The following FAT3 variants were observed in gnomAD, a reference collection of about 807,000 sequenced individuals.
FAT3 encodes FAT atypical cadherin 3, also known as protocadherin Fat 3.
Under a neutral mutation model 310.2 loss-of-function variants are expected in FAT3, and 95 were observed. That is an observed-to-expected ratio of 0.31 (90% confidence interval 0.26 to 0.36). FAT3 has a LOEUF of 0.36. Ranked by LOEUF, FAT3 falls within the 10% of genes least tolerant of loss-of-function variation. The pLI, the probability that FAT3 is intolerant of heterozygous loss-of-function variation, is 1.00. For synonymous variants in FAT3, 2,314 were observed against 2,192.9 expected (o/e 1.06, Z -1.54); for missense variants, 5,408 against 5,715.6 (o/e 0.95, Z 1.74).
rs770938521 is a variant in FAT3, at chr11:92,800,331, A to G, written c.7318A>G (p.Thr2440Ala). The part of the protein sequence containing the change: ...EYSILSGNDR[T>A]SFLMDSKSGV... ...TAGCATTTTATCTGGGAATGACCGG[A>G]CGAGCTTTCTGATGGACAGCAAGAG... Residue 2440 changes from threonine (T) to alanine (A), a missense_variant, in exon 10 of 28, where the codon ACG becomes GCG. This residue lies in a region of FAT3 where 4,588 missense variants were observed against 4,809.8 expected (regional missense o/e 0.95). Coordinates refer to ENST00000525166, the MANE Select transcript of FAT3 (RefSeq NM_001367949.2). 6.2e-7 allele frequency: 1 copy of G among 1,613,974 alleles called. No individual in the cohort carries two copies. The highest frequency in any genetic ancestry group is 1.1e-5 in the South Asian group (1 of 91,084).
intron 1 of FAT3, among the ~76,000 whole-genome samples, chr11:92,272,213 G>T (rs570396769): frequency 1.3e-5 from 2 of 152,062 alleles, no homozygotes; most frequent in African/African-American, 4.8e-5. Context: ...TGAGGAGGGG[G>T]TTACCAGTGT....
chr11:92,824,919 A>G (rs1948065195), intron 13 of FAT3, among the ~76,000 whole-genome samples: 1 of 152,176 alleles, frequency 6.6e-6, no homozygotes, highest in Non-Finnish European at 1.5e-5. Context: ...TTCTATATAC[A>G]TCATATGACC....
At chr11:92,816,138 T>C (rs1386895961) in intron 13 of FAT3, among the ~76,000 whole-genome samples, 1 of 152,158 alleles carries the variant, frequency 6.6e-6, no homozygotes, top group Non-Finnish European at 1.5e-5. Flanking sequence ...TGAACTTGGA[T>C]GGAGATAGAC....
intron 3 of FAT3, among the ~76,000 whole-genome samples, chr11:92,540,640 A>T (rs1179560369): frequency 6.6e-6 from 1 of 152,118 alleles, no homozygotes; most frequent in Admixed American, 6.6e-5. Context: ...TTGTTCATAT[A>T]CCTTCAAAGT....
chr11:92,442,111 A>ATTTTTTTTTT (rs869097021), intron 2 of FAT3, among the ~76,000 whole-genome samples: 16 of 45,220 alleles, frequency 3.5e-4, no homozygotes, highest in African/African-American at 1.3e-3. Flanking sequence ...ATATATATAT[A>ATTTTTTTTTT]TTTTTTTTTT....
intron 2 of FAT3, among the ~76,000 whole-genome samples, chr11:92,369,742 G>C (rs1949134841): frequency 6.6e-6 from 1 of 152,142 alleles, no homozygotes; most frequent in African/African-American, 2.4e-5. Context: ...AGCTACTCGG[G>C]AGGCTGAGGC....
At chr11:92,771,272 G>T (rs1946448946) in intron 6 of FAT3, among the ~76,000 whole-genome samples, 1 of 152,124 alleles carries the variant, frequency 6.6e-6, no homozygotes, top group Non-Finnish European at 1.5e-5. Context: ...TAGTGAAAAT[G>T]GACTCCTTGC....
chr11:92,668,902 C>T lies in FAT3; in HGVS notation c.3608-28482C>T, dbSNP rs555141107. On this transcript the variant is annotated intron_variant, in intron 3 of 27. Transcript: ENST00000525166. Reference sequence around the variant, plus strand: ...TTGTATCGAGCAGCATTTAAGTTCCCCAACAAGGGAAGGAATCTCTTTCTT... The same window carrying T: ...TTGTATCGAGCAGCATTTAAGTTCCTCAACAAGGGAAGGAATCTCTTTCTT... Among the ~76,000 whole-genome samples, 363 of 152,218 alleles carry T rather than the reference C, an allele frequency of 2.4e-3. 3 individuals carry two copies. Among genetic ancestry groups the T allele is most frequent in the South Asian group, 0.018 (86 of 4,820 alleles).
intron 1 of FAT3, among the ~76,000 whole-genome samples, chr11:92,350,452 C>T (rs1406712777): frequency 7.9e-5 from 12 of 151,302 alleles, no homozygotes; most frequent in Non-Finnish European, 1.5e-5. Context: ...ATGGGTTGTA[C>T]TTTTTAAAAT....
At chr11:92,795,219 G>A (rs893885433) in intron 9 of FAT3, among the ~76,000 whole-genome samples, 6 of 151,980 alleles carry the variant, frequency 3.9e-5, no homozygotes, top group Non-Finnish European at 4.4e-5. Flanking sequence ...GTTGAGTTCG[G>A]GTGAGGGCAT....
rs144507353 is a variant in FAT3 at position 92,614,374 on chromosome 11, G to A, written c.3608-83010G>A. ...TTCTTGCATTTCCTGAGCAATGTAC[G>A]AGGGTTCCATTTCCCAACATTTTTA... On this transcript the variant is annotated intron_variant, in intron 3 of 27. Coordinates refer to ENST00000525166, the MANE Select transcript of FAT3 (RefSeq NM_001367949.2). 1.4e-4 allele frequency among the ~76,000 whole-genome samples: 22 copies of A among 152,226 alleles called. No individual in the cohort carries two copies. The East Asian group carries it at 3.5e-3, about 24-fold the overall frequency.
At chr11:92,473,110 A>G (rs1470059112) in intron 2 of FAT3, among the ~76,000 whole-genome samples, 2 of 152,026 alleles carry the variant, frequency 1.3e-5, no homozygotes, top group Non-Finnish European at 2.9e-5. Context: ...GCCTCTGTAC[A>G]TATCACTATC....
At chr11:92,559,414 T>C in intron 3 of FAT3, 1 of 217,278 alleles carries the variant, frequency 4.6e-6, no homozygotes, top group Non-Finnish European at 9.4e-6. Context: ...AAACAGGGTC[T>C]TGCTCTGTTG....
chr11:92,790,364 CT>C, intron 8 of FAT3, 146 bp downstream of exon 8: 4 of 976,720 alleles, frequency 4.1e-6, no homozygotes, highest in South Asian at 1.8e-5. Flanking sequence ...TCATTTTTGC[CT>C]TTTTATTTCA....
chr11:92,624,999 G>A (rs1268027962), intron 3 of FAT3, among the ~76,000 whole-genome samples: 1 of 152,092 alleles, frequency 6.6e-6, no homozygotes, highest in East Asian at 1.9e-4. Context: ...AGTAATATTG[G>A]ATTAGAGCCT....
At chr11:92,751,813 G>A (rs1395544076) in intron 4 of FAT3, among the ~76,000 whole-genome samples, 2 of 152,112 alleles carry the variant, frequency 1.3e-5, no homozygotes, top group African/African-American at 4.8e-5. Context: ...AAAAGAGCAC[G>A]TGCTGCCACG....
At chr11:92,722,219 TTGG>T (rs1944881725) in intron 4 of FAT3, among the ~76,000 whole-genome samples, 3 of 149,750 alleles carry the variant, frequency 2.0e-5, no homozygotes, top group African/African-American at 7.7e-5. Flanking sequence ...AGTATACCCA[TTGG>T]GTAAATACAG....
chr11:92,658,898 C>T (rs1942673637), intron 3 of FAT3, among the ~76,000 whole-genome samples: 1 of 150,960 alleles, frequency 6.6e-6, no homozygotes, highest in African/African-American at 2.4e-5. Flanking sequence ...TCCTCAATGA[C>T]TCGCCTATTG....
intron 2 of FAT3, among the ~76,000 whole-genome samples, chr11:92,399,269 T>A (rs987181978): frequency 6.6e-6 from 1 of 152,186 alleles, no homozygotes; most frequent in Non-Finnish European, 1.5e-5. Flanking sequence ...ATAAAGCCCA[T>A]ATCATCTACT....
Sources: allele counts gnomAD v4.1 joint callset (sites outside exome capture counted in the v4.1 genomes callset), GRCh38; gene constraint gnomAD v4.1.1; regional missense constraint gnomAD v4.1.1; transcripts MANE v1.5; gene names NCBI Gene and HGNC (gene_info 2026-07-23, HGNC 2026-07-21).